SNX29: variants seen among roughly 807,000 people sequenced by gnomAD.
SNX29 encodes the protein sorting nexin 29.
A neutral mutation model predicts 102.1 loss-of-function variants in SNX29; 78 were observed. That is an observed-to-expected ratio of 0.76 (90% CI 0.64 to 0.92). SNX29 has a LOEUF of 0.92. Ranked by LOEUF, SNX29 falls within the 40% of genes least tolerant of loss-of-function variation. The pLI, the probability that SNX29 is intolerant of heterozygous loss-of-function variation, is 0.00. For missense variants in SNX29, 1,280 were observed against 1,061.7 expected, an observed-to-expected ratio of 1.21 and a Z score of -2.86; for synonymous variants, 580 against 414.5, an observed-to-expected ratio of 1.40 and a Z score of -4.85.
intron 19 of SNX29, among the ~76,000 whole-genome samples, chr16:12,492,169 C>G (rs1330787280): frequency 6.6e-6 from 1 of 152,202 alleles, no homozygotes; most frequent in East Asian, 1.9e-4. Flanking sequence ...GTTCCTGTTT[C>G]TCCACATCCT....
chr16:12,392,923 G>C (rs1400902518), intron 16 of SNX29, among the ~76,000 whole-genome samples: 1 of 152,234 alleles, frequency 6.6e-6, no homozygotes, highest in East Asian at 1.9e-4. Context: ...CATCAGGCCT[G>C]AGCCTGTTGC....
chr16:12,538,057 C>G (rs753164413), intron 20 of SNX29, among the ~76,000 whole-genome samples: 1 of 151,732 alleles, frequency 6.6e-6, no homozygotes, highest in Non-Finnish European at 1.5e-5. Context: ...TATAATCGAT[C>G]TTGGTGACAG....
At chr16:12,396,621 G>T (rs74011715) in intron 16 of SNX29, among the ~76,000 whole-genome samples, 1 of 152,350 alleles carries the variant, frequency 6.6e-6, no homozygotes, top group African/African-American at 2.4e-5. Context: ...TGGATGAAAA[G>T]AGGAGAATGG....
In SNX29 at chr16:12,572,328, C is replaced by T. The variant is rs1250236194; in HGVS notation, c.*3699C>T. ...ATCCAGGTTGGAAACAGGAGTGAAG[C>T]CCACCAGCCTGCCTGGTTGATGGAC... On this transcript the variant is annotated 3_prime_UTR_variant, in exon 21 of 21. Transcript: ENST00000566228. 10 of 1,062,946 alleles carry T rather than the reference C, an allele frequency of 9.4e-6. No homozygotes were observed. The highest frequency in any genetic ancestry group is 4.6e-5 in the South Asian group (1 of 21,976). 65.8% of individuals were successfully genotyped at this position (1,062,946 alleles called of 1,614,324 possible). A position where few individuals can be genotyped will look rare whatever the true frequency, so the allele number is the denominator to read the frequency against.
intron 16 of SNX29, among the ~76,000 whole-genome samples, chr16:12,371,920 C>T (rs552398513): frequency 1.4e-4 from 22 of 152,232 alleles, no homozygotes; most frequent in East Asian, 3.9e-4. Flanking sequence ...CTACTTCCAT[C>T]GCTCTGCATT....
intron 10 of SNX29, among the ~76,000 whole-genome samples, chr16:12,076,192 G>T (rs1457872736): frequency 2.6e-5 from 4 of 152,146 alleles, no homozygotes; most frequent in Non-Finnish European, 4.4e-5. Flanking sequence ...ACTCCGTAGT[G>T]AGATGAACCC....
At chr16:12,425,974 G>T (rs925237039) in intron 18 of SNX29, among the ~76,000 whole-genome samples, 2 of 152,086 alleles carry the variant, frequency 1.3e-5, no homozygotes, top group African/African-American at 4.8e-5. Flanking sequence ...AGCCTGCCAA[G>T]ACCTTCAGGG....
chr16:12,425,007 T>G (rs533501541), intron 18 of SNX29, among the ~76,000 whole-genome samples: 4 of 152,326 alleles, frequency 2.6e-5, no homozygotes, highest in African/African-American at 9.6e-5. Context: ...GCAAGGAGAT[T>G]AAAGATGTGT....
At chr16:12,201,930 A>C (rs1360047245) in intron 14 of SNX29, among the ~76,000 whole-genome samples, 1 of 152,100 alleles carries the variant, frequency 6.6e-6, no homozygotes, top group Non-Finnish European at 1.5e-5. Context: ...ATTCTCCCCA[A>C]ATGGGCCTAT....
chr16:12,069,082 C>T lies in SNX29; in HGVS notation c.1269C>T (p.Asn423=), dbSNP rs373111227. 251 of 1,613,724 alleles carry T rather than the reference C, an allele frequency of 1.6e-4. No homozygotes were observed. Among genetic ancestry groups the T allele is most frequent in the Admixed American group, 2.0e-4 (12 of 59,990 alleles). ...PADAPLGSLE[N]GTGPEDHVLP... The stretch of plus-strand genomic sequence containing the variant: ...ATGCCCCCCTCGGAAGCCTGGAGAA[C>T]GGGACAGGACCAGAGGACCACGTTC... The change falls in exon 10 of 21, where the codon AAC becomes AAT. Residue 423 remains asparagine, a synonymous_variant. Coordinates refer to ENST00000566228, the MANE Select transcript of SNX29 (RefSeq NM_032167.5).
At chr16:12,079,282 C>T (rs1325727294) in intron 11 of SNX29, among the ~76,000 whole-genome samples, 1 of 152,174 alleles carries the variant, frequency 6.6e-6, no homozygotes, top group East Asian at 1.9e-4. Flanking sequence ...ATATGTCTCT[C>T]CAAGATGATT....
chr16:12,563,178 T>C (rs68054229), intron 20 of SNX29, among the ~76,000 whole-genome samples: 39,502 of 147,010 alleles, frequency 0.27, 5,737 homozygotes, highest in East Asian at 0.44. Flanking sequence ...GGCTCAGGGA[T>C]GTCACTTCCC....
At chr16:12,567,579 G>A (rs559115383) in intron 20 of SNX29, among the ~76,000 whole-genome samples, 1 of 152,034 alleles carries the variant, frequency 6.6e-6, no homozygotes, top group African/African-American at 2.4e-5. Flanking sequence ...AGACCAGCCT[G>A]GACAAGAGCA....
At chr16:12,484,704 C>T (rs189505141) in intron 19 of SNX29, among the ~76,000 whole-genome samples, 2 of 152,184 alleles carry the variant, frequency 1.3e-5, no homozygotes, top group Non-Finnish European at 2.9e-5. Context: ...CCTACATGGA[C>T]GGCTCCTCCC....
chr16:12,539,577 G>T (rs1486469610), intron 20 of SNX29, among the ~76,000 whole-genome samples: 1 of 152,198 alleles, frequency 6.6e-6, no homozygotes, highest in Admixed American at 6.5e-5. Context: ...GTGAACAAAA[G>T]TTTTCATTTC....
At chr16:12,166,978 C>T (rs2076030758) in intron 13 of SNX29, among the ~76,000 whole-genome samples, 1 of 152,174 alleles carries the variant, frequency 6.6e-6, no homozygotes, top group African/African-American at 2.4e-5. Context: ...GTGGATCAGC[C>T]AGTGGTTAAG....
At chr16:12,547,902 A>T (rs1412484886) in intron 20 of SNX29, among the ~76,000 whole-genome samples, 1 of 152,112 alleles carries the variant, frequency 6.6e-6, no homozygotes, top group Non-Finnish European at 1.5e-5. Context: ...GCTGTATAGG[A>T]GCTGCTCTTA....
chr16:12,034,240 G>A (rs1027199681), intron 4 of SNX29, among the ~76,000 whole-genome samples: 1 of 152,244 alleles, frequency 6.6e-6, no homozygotes, highest in Non-Finnish European at 1.5e-5. Flanking sequence ...GAAGCTGCAT[G>A]TGCCAGGGGA....
intron 15 of SNX29, among the ~76,000 whole-genome samples, chr16:12,278,258 T>C (rs1028099451): frequency 1.2e-4 from 18 of 152,142 alleles, no homozygotes; most frequent in Middle Eastern, 3.2e-3. Context: ...TTGGCACTTA[T>C]GATAAGGACA....
Sources: allele counts gnomAD v4.1 joint callset (sites outside exome capture counted in the v4.1 genomes callset), GRCh38; gene constraint gnomAD v4.1.1; transcripts MANE v1.5; gene names NCBI Gene and HGNC (gene_info 2026-07-23, HGNC 2026-07-21).